The following DMD variants were observed in gnomAD, a reference collection of about 807,000 sequenced individuals.
The protein encoded by DMD is dystrophin.
DMD carries 63 observed loss-of-function variants against 330.1 expected under a neutral mutation model. The observed-to-expected ratio is 0.19, with a 90% CI of 0.16 to 0.24. The LOEUF (loss-of-function observed/expected upper bound fraction) is 0.24. Among genes scored for constraint, DMD ranks in the 10% least tolerant of loss-of-function variants. The probability of loss-of-function intolerance (pLI) is 1.00; values close to 1 mark genes in which losing one functional copy is unlikely to be tolerated. For synonymous variants in DMD, 1,223 were observed against 959.8 expected (o/e 1.27, Z -5.07); for missense variants, 3,344 against 2,684.1 (o/e 1.25, Z -5.43).
At chrX:32,960,139 G>T (rs768608999) in intron 2 of DMD, 1 of 111,885 alleles carries the variant, frequency 8.9e-6, no homozygotes, top group East Asian at 2.8e-4. Context: ...TGCTCTACTA[G>T]CAAGTCTCAA....
At chrX:33,106,730 T>C (rs1347311397) in intron 1 of DMD, among the ~76,000 whole-genome samples, 1 of 111,978 alleles carries the variant, frequency 8.9e-6, no homozygotes, top group Non-Finnish European at 1.9e-5. Context: ...TTTTCCCCTA[T>C]TCACTTCCAA....
chrX:31,470,838 A>T (rs1399656095), intron 59 of DMD, among the ~76,000 whole-genome samples: 4 of 112,197 alleles, frequency 3.6e-5, no homozygotes, highest in Non-Finnish European at 7.5e-5. Context: ...TCTTTCAGAG[A>T]TGCCCTGCCC....
intron 27 of DMD, among the ~76,000 whole-genome samples, chrX:32,445,923 C>T (rs920775983): frequency 1.8e-5 from 2 of 110,862 alleles, no homozygotes; most frequent in African/African-American, 6.5e-5. Flanking sequence ...GAGACTATTT[C>T]TCTATTGAAG....
In DMD at chrX:33,179,572, T is replaced by C. The variant is rs762325989; in HGVS notation, c.31+31710A>G. 5.6e-5 allele frequency among the ~76,000 whole-genome samples: 6 copies of C among 108,095 alleles called. No individual in the cohort carries two copies. The South Asian group carries it at 2.5e-3, about 45-fold the overall frequency. 93.9% of individuals were successfully genotyped at this position (108,095 alleles called of 115,157 possible). The stretch of plus-strand genomic sequence containing the variant: ...AGCCGGGCGTGGTGGCGGGCGCCTG[T>C]AGTCCCAGCTACTCGGGAGCCTGAG... On this transcript the variant is annotated intron_variant, in intron 1 of 78. Coordinates refer to ENST00000357033, the MANE Select transcript of DMD (RefSeq NM_004006.3).
At chrX:31,159,061 C>T (rs1448901934) in intron 74 of DMD, among the ~76,000 whole-genome samples, 4 of 111,312 alleles carry the variant, frequency 3.6e-5, no homozygotes, top group Admixed American at 9.5e-5. Flanking sequence ...CCCCAAAAAC[C>T]CATCAAGTAA....
intron 1 of DMD, among the ~76,000 whole-genome samples, chrX:33,187,024 T>C (rs1045566745): frequency 1.8e-5 from 2 of 112,203 alleles, no homozygotes; most frequent in African/African-American, 3.2e-5. Flanking sequence ...TAGTTTATGT[T>C]GGGGAAAACT....
chrX:32,474,294 T>C (rs1413245672), intron 21 of DMD, among the ~76,000 whole-genome samples: 3 of 111,404 alleles, frequency 2.7e-5, no homozygotes, highest in Admixed American at 9.6e-5. Context: ...GGTTCCACGA[T>C]TGTGCTGGTG....
At chrX:32,850,405 G>C (rs1222275650) in intron 2 of DMD, among the ~76,000 whole-genome samples, 1 of 111,520 alleles carries the variant, frequency 9.0e-6, no homozygotes, top group Non-Finnish European at 1.9e-5. Context: ...TCTTTGCTCA[G>C]GAATTATACT....
intron 52 of DMD, among the ~76,000 whole-genome samples, chrX:31,721,668 ATCTCTCTCTCTCTCTCACTCTCTC>A (rs1227534185): frequency 5.9e-3 from 193 of 32,452 alleles, no homozygotes; most frequent in African/African-American, 8.4e-3. Context: ...ATTATTACCA[ATCTCTCTCTCTCTCTCACTCTCTC>A]TCTCTCTCTC....
At chrX:32,563,172 C>A (rs371829914) in intron 16 of DMD, among the ~76,000 whole-genome samples, 95 of 109,059 alleles carry the variant, frequency 8.7e-4, no homozygotes, top group African/African-American at 3.1e-3. Flanking sequence ...AACCCCATCT[C>A]TACTAAAATT....
At chrX:32,369,932 T>C (rs956252732) in intron 34 of DMD, among the ~76,000 whole-genome samples, 1 of 111,190 alleles carries the variant, frequency 9.0e-6, no homozygotes, top group East Asian at 2.8e-4. Context: ...CTTACTCATG[T>C]TCCCTGTAAT....
At chrX:33,080,803 A>G (rs145194669) in intron 1 of DMD, among the ~76,000 whole-genome samples, 3,553 of 111,851 alleles carry the variant, frequency 0.032, 137 homozygotes, top group African/African-American at 0.11. Flanking sequence ...AAATGTCTAC[A>G]TTTTCAAGAT....
intron 29 of DMD, among the ~76,000 whole-genome samples, chrX:32,423,893 C>T (rs1198327994): frequency 9.1e-6 from 1 of 110,113 alleles, no homozygotes; most frequent in African/African-American, 3.3e-5. Context: ...GATGGTAGGA[C>T]AAGAAAAATC....
chrX:32,819,470 G>T (rs775838069), intron 5 of DMD, among the ~76,000 whole-genome samples: 3 of 111,220 alleles, frequency 2.7e-5, no homozygotes, highest in Non-Finnish European at 5.7e-5. Flanking sequence ...AAAAAGAATT[G>T]CACTTAAGAA....
At chrX:33,129,217 A>G (rs1045299585) in intron 1 of DMD, 4 of 109,402 alleles carry the variant, frequency 3.7e-5, no homozygotes, top group African/African-American at 1.3e-4. Context: ...CAAGGACTTC[A>G]TTAACAATAT....
intron 1 of DMD, among the ~76,000 whole-genome samples, chrX:33,244,821 G>T (rs1459506433): frequency 9.0e-6 from 1 of 111,660 alleles, no homozygotes; most frequent in Non-Finnish European, 1.9e-5. Flanking sequence ...TGACCTAATA[G>T]AATTCAATGA....
At chrX:32,696,582 A>G (rs2063670927) in intron 9 of DMD, among the ~76,000 whole-genome samples, 1 of 111,909 alleles carries the variant, frequency 8.9e-6, no homozygotes, top group African/African-American at 3.2e-5. Flanking sequence ...AAGGAGTCAT[A>G]CCTGAGCGAT....
intron 52 of DMD, among the ~76,000 whole-genome samples, chrX:31,728,185 G>C (rs1448920327): frequency 9.0e-6 from 1 of 111,520 alleles, no homozygotes; most frequent in African/African-American, 3.3e-5. Flanking sequence ...ACCACGCCCG[G>C]CTAATTTTTT....
rs1569553651 is a variant in DMD at position 32,252,751 on chromosome X, T to TAA, written c.6290+34777_6290+34778insTT. The stretch of plus-strand genomic sequence containing the variant: ...ATATATAAATATATATATAAATATA[T>TAA]ATAAATATATAAATATATATAAATA... On this transcript the variant is annotated intron_variant, in intron 43 of 78. Transcript: ENST00000357033. 1.5e-3 allele frequency among the ~76,000 whole-genome samples: 62 copies of TAA among 41,100 alleles called. 2 individuals carry two copies. The highest frequency in any genetic ancestry group is 1.8e-3 in the Non-Finnish European group (49 of 27,806). The allele number at this position is 41,100 out of a possible 115,157, so 35.7% of individuals were successfully genotyped here. A position where few individuals can be genotyped will look rare whatever the true frequency, so the allele number is the denominator to read the frequency against.
Sources: allele counts gnomAD v4.1 joint callset (sites outside exome capture counted in the v4.1 genomes callset), GRCh38; gene constraint gnomAD v4.1.1; transcripts MANE v1.5; gene names NCBI Gene and HGNC (gene_info 2026-07-23, HGNC 2026-07-21).